The following VGLL4 variants were observed in gnomAD, a reference collection of about 807,000 sequenced individuals.
VGLL4 encodes the protein vestigial like family member 4, also known as transcription cofactor vestigial-like protein 4.
Under a neutral mutation model 21.0 loss-of-function variants are expected in VGLL4, and 7 were observed. That is an observed-to-expected ratio of 0.33 (90% confidence interval 0.19 to 0.63). The LOEUF (loss-of-function observed/expected upper bound fraction) is 0.63, where lower values mean the gene tolerates loss of function less well. Ranked by LOEUF, VGLL4 falls within the 20% of genes least tolerant of loss-of-function variation. The pLI is 0.78. For missense variants in VGLL4, 394 were observed against 425.7 expected, an observed-to-expected ratio of 0.93 and a Z score of 0.66; for synonymous variants, 222 against 173.2, an observed-to-expected ratio of 1.28 and a Z score of -2.21.
chr3:11,568,467 T>G lies in VGLL4; in HGVS notation c.273-3448A>C, dbSNP rs2073635190. On this transcript the variant is annotated intron_variant, in intron 2 of 4. Transcript: ENST00000430365. The surrounding 1 kb of genome is among the most constrained non-coding windows in gnomAD (Gnocchi z 5.9). Reference sequence around the variant, plus strand: ...GCAGGGCAGCAGGGAGAAGGGGACTTCCAGGCCCACTAACTGGAAAGACAG... The same window carrying G: ...GCAGGGCAGCAGGGAGAAGGGGACTGCCAGGCCCACTAACTGGAAAGACAG... 8.1e-7 allele frequency: 1 copy of G among 1,241,238 alleles called. No individual in the cohort carries two copies. The highest frequency in any genetic ancestry group is 1.1e-6 in the Non-Finnish European group (1 of 878,430). 76.9% of individuals were successfully genotyped at this position (1,241,238 alleles called of 1,614,324 possible).
Position 11,602,003 on chromosome 3 carries a change from T to C in VGLL4, c.102A>G (p.Gly34=), listed in dbSNP as rs758049950. 2 of 1,576,870 alleles carry C rather than the reference T, an allele frequency of 1.3e-6. No homozygotes were observed. The highest frequency in any genetic ancestry group is 2.0e-5 in the Admixed American group (1 of 50,844). The change falls in exon 2 of 5, where the codon GGA becomes GGG. Residue 34 remains glycine, a synonymous_variant. Coordinates refer to ENST00000430365, the MANE Select transcript of VGLL4 (RefSeq NM_001128219.3). ...CCGGCAGGGTCTGTATTCTGGGTTCTCCCCTGAGAGCAGCTTCGCCTACGC... is the reference window on the plus strand; with the variant it reads ...CCGGCAGGGTCTGTATTCTGGGTTCCCCCCTGAGAGCAGCTTCGCCTACGC... ...LCYEGEAALR[G]EPRIQTLPVA...
intron 2 of VGLL4, among the ~76,000 whole-genome samples, chr3:11,578,613 A>T (rs1354000201): frequency 6.6e-6 from 1 of 151,410 alleles, no homozygotes; most frequent in Non-Finnish European, 1.5e-5. Context: ...AAAAAAAAGT[A>T]ATAATAATAA....
chr3:11,645,166 A>G (rs898030599), upstream of VGLL4, among the ~76,000 whole-genome samples: 3 of 148,968 alleles, frequency 2.0e-5, no homozygotes, highest in Admixed American at 2.0e-4. Flanking sequence ...TTTTCAGCAC[A>G]TCAAGAACGT....
chr3:11,611,904 T>C (rs2075070038), intron 1 of VGLL4: 1 of 151,714 alleles, frequency 6.6e-6, no homozygotes, highest in South Asian at 2.1e-4. Context: ...GGCTGGGGCC[T>C]CCTTTGGATG....
At chr3:11,650,187 G>A (rs967371034) in intron 2 of VGLL4, among the ~76,000 whole-genome samples, 3 of 152,032 alleles carry the variant, frequency 2.0e-5, no homozygotes, top group Non-Finnish European at 2.9e-5. Flanking sequence ...CACCCGCCTC[G>A]GTCTCCCAAA....
At chr3:11,621,735 T>G (rs1240024143) in intron 1 of VGLL4, among the ~76,000 whole-genome samples, 1 of 152,218 alleles carries the variant, frequency 6.6e-6, no homozygotes, top group Non-Finnish European at 1.5e-5. Flanking sequence ...TTCGAGCAAC[T>G]GCAAAACTGT....
intron 1 of VGLL4, among the ~76,000 whole-genome samples, chr3:11,630,148 C>T (rs529057351): frequency 6.6e-6 from 1 of 152,240 alleles, no homozygotes; most frequent in African/African-American, 2.4e-5. Context: ...AATATACATA[C>T]TCCAGCCTCT....
At chr3:11,606,014 G>A (rs561355556) in intron 1 of VGLL4, among the ~76,000 whole-genome samples, 108 of 152,320 alleles carry the variant, frequency 7.1e-4, no homozygotes, top group African/African-American at 1.9e-3. Context: ...AGACATACCC[G>A]AGACTGGGTA....
rs1341083044 is a variant in VGLL4 at position 11,556,230 on chromosome 3, CAGCGCGGCTCTGGGAAGAACTTCACGG to C, written c.*2299_*2325del. On this transcript the variant is annotated 3_prime_UTR_variant, in exon 5 of 5. Transcript: ENST00000430365. ...AGAGAAGGTCAGAGCGCACTGCAGGCAGCGCGGCTCTGGGAAGAACTTCACGGAGCCCCTTCTTAGAGCAGGGAGGGG... is the reference window on the plus strand; with the variant it reads ...AGAGAAGGTCAGAGCGCACTGCAGGCAGCCCCTTCTTAGAGCAGGGAGGGG... 5 of 152,606 alleles carry C rather than the reference CAGCGCGGCTCTGGGAAGAACTTCACGG, an allele frequency of 3.3e-5. No individual in the cohort carries two copies. Among genetic ancestry groups the C allele is most frequent in the Non-Finnish European group, 7.4e-5 (5 of 68,002 alleles). The allele number at this position is 152,606 out of a possible 1,614,324, so 9.5% of individuals were successfully genotyped here.
chr3:11,600,874 G>A (rs1189755788), intron 2 of VGLL4, among the ~76,000 whole-genome samples: 1 of 152,028 alleles, frequency 6.6e-6, no homozygotes, highest in Non-Finnish European at 1.5e-5. Flanking sequence ...GGAAGGAGGA[G>A]GACCTCTGTA....
intron 1 of VGLL4, among the ~76,000 whole-genome samples, chr3:11,720,158 A>C (rs1349878656): frequency 2.7e-5 from 4 of 150,540 alleles, no homozygotes; most frequent in Admixed American, 6.6e-5. Context: ...CGCCACACAC[A>C]CCCCGCCAAG....
intron 2 of VGLL4, among the ~76,000 whole-genome samples, chr3:11,575,433 A>T (rs1276290493): frequency 6.6e-6 from 1 of 152,166 alleles, no homozygotes; most frequent in Non-Finnish European, 1.5e-5. Context: ...GCTCAGCTGG[A>T]ATGTGCATCG....
At chr3:11,637,487 C>T (rs557221246) in intron 1 of VGLL4, among the ~76,000 whole-genome samples, 24 of 152,126 alleles carry the variant, frequency 1.6e-4, no homozygotes, top group Admixed American at 2.0e-4. Context: ...GAGTTTGGAA[C>T]GATCCTATGC....
chr3:11,586,402 A>G (rs1351775186), intron 2 of VGLL4, among the ~76,000 whole-genome samples: 1 of 152,230 alleles, frequency 6.6e-6, no homozygotes, highest in East Asian at 1.9e-4. Context: ...TGGCTGGAAT[A>G]TGTAGAATGA....
At chr3:11,695,088 T>C (rs554630906) in intron 2 of VGLL4, among the ~76,000 whole-genome samples, 1 of 151,076 alleles carries the variant, frequency 6.6e-6, no homozygotes, top group South Asian at 2.1e-4. Context: ...TCTCACTCTG[T>C]TGCCCAGGCT....
intron 2 of VGLL4, among the ~76,000 whole-genome samples, chr3:11,699,205 G>A (rs929411412): frequency 7.9e-5 from 12 of 152,136 alleles, no homozygotes; most frequent in Admixed American, 3.9e-4. Context: ...GAAAGACATC[G>A]AAACCTAATG....
chr3:11,640,343 A>G (rs1035009358), intron 1 of VGLL4, among the ~76,000 whole-genome samples: 18 of 152,140 alleles, frequency 1.2e-4, no homozygotes, highest in African/African-American at 4.1e-4. Context: ...GAGGGAAAAA[A>G]TGAGGGCTGG....
In VGLL4 at chr3:11,658,596, A is replaced by G. The variant is rs148441371; in HGVS notation, c.64+44375T>C. 1.3e-3 allele frequency among the ~76,000 whole-genome samples: 204 copies of G among 152,070 alleles called. 1 individual carries two copies. Among genetic ancestry groups the G allele is most frequent in the Middle Eastern group, 0.01 (3 of 294 alleles). ...GAGCCAGCTGACAATTTTACAAACT[A>G]GGAAGGACACAGAGGAAACAGAATA... On this transcript the variant is annotated intron_variant, in intron 2 of 5. Coordinates refer to the VGLL4 transcript ENST00000273038.
intron 2 of VGLL4, among the ~76,000 whole-genome samples, chr3:11,649,319 T>C (rs2075835819): frequency 6.6e-6 from 1 of 151,776 alleles, no homozygotes; most frequent in Admixed American, 6.6e-5. Flanking sequence ...AATGTATTTA[T>C]GAAAACATAC....
Sources: gnomAD v4.1 joint callset for allele counts (sites outside exome capture counted in the v4.1 genomes callset) on GRCh38, gnomAD v4.1.1 for gene constraint, Gnocchi (gnomAD v3.1) non-coding constraint, MANE v1.5 for transcripts, NCBI Gene and HGNC (gene_info 2026-07-23, HGNC 2026-07-21) for gene names.